The following CNTN5 variants were observed in gnomAD, a reference collection of about 807,000 sequenced individuals.
CNTN5 encodes contactin-5.
Under a neutral mutation model 129.1 loss-of-function variants are expected in CNTN5, and 77 were observed. The ratio of observed to expected loss-of-function variants is 0.60; its 90% CI spans 0.50 to 0.72. The LOEUF (loss-of-function observed/expected upper bound fraction) is 0.72, where lower values mean the gene tolerates loss of function less well. Among genes scored for constraint, CNTN5 ranks in the 30% least tolerant of loss-of-function variants. The pLI, the probability that CNTN5 is intolerant of heterozygous loss-of-function variation, is 0.00. For synonymous variants in CNTN5, 509 were observed against 465.6 expected (o/e 1.09, Z -1.20); for missense variants, 1,478 against 1,328.8 (o/e 1.11, Z -1.75).
At chr11:100,025,547 G>A (rs1194132863) in intron 9 of CNTN5, among the ~76,000 whole-genome samples, 1 of 152,142 alleles carries the variant, frequency 6.6e-6, no homozygotes, top group Non-Finnish European at 1.5e-5. Context: ...CTTCCACCAT[G>A]AGCCTGGAAA....
At chr11:99,748,729 C>G (rs574834229) in intron 3 of CNTN5, among the ~76,000 whole-genome samples, 75 of 152,244 alleles carry the variant, frequency 4.9e-4, no homozygotes, top group African/African-American at 1.8e-3. Context: ...TGTCCTAGCT[C>G]CAGAAGAAAG....
chr11:99,747,691 T>C (rs189229022), intron 3 of CNTN5, among the ~76,000 whole-genome samples: 2 of 152,090 alleles, frequency 1.3e-5, no homozygotes, highest in Non-Finnish European at 2.9e-5. Context: ...GCCAGGATGG[T>C]TCGATCTCCT....
chr11:99,587,366 G>A (rs536139585), intron 3 of CNTN5, among the ~76,000 whole-genome samples: 1 of 152,280 alleles, frequency 6.6e-6, no homozygotes, highest in South Asian at 2.1e-4. Context: ...AATGCACAAG[G>A]TAAACTGACT....
intron 7 of CNTN5, among the ~76,000 whole-genome samples, chr11:99,952,134 C>T (rs1460364079): frequency 6.6e-6 from 1 of 152,038 alleles, no homozygotes; most frequent in African/African-American, 2.4e-5. Context: ...TCAGGTTGTC[C>T]CTCATGCTCA....
rs554068112 is a variant in CNTN5, at chr11:99,370,063, G to A, written c.-71+44579G>A. Among the ~76,000 whole-genome samples the A allele has an allele frequency of 3.3e-5, 5 of 152,116 alleles. No homozygotes were observed. The East Asian group carries it at 7.7e-4, about 23-fold the overall frequency. On this transcript the variant is annotated intron_variant, in intron 2 of 24. Transcript: ENST00000524871. ...ACAAAGCAGTTGAAAAGGTGTTGAAGAGTTTGATTAACCAAACAGAGGAAT... is the reference window on the plus strand; with the variant it reads ...ACAAAGCAGTTGAAAAGGTGTTGAAAAGTTTGATTAACCAAACAGAGGAAT...
intron 3 of CNTN5, among the ~76,000 whole-genome samples, chr11:99,588,029 C>G (rs1046827588): frequency 3.3e-5 from 5 of 152,202 alleles, no homozygotes; most frequent in Non-Finnish European, 5.9e-5. Flanking sequence ...ACCTTCTCCA[C>G]TGTGAGCCCA....
intron 13 of CNTN5, among the ~76,000 whole-genome samples, chr11:100,116,435 T>C (rs1945843121): frequency 6.6e-6 from 1 of 151,978 alleles, no homozygotes; most frequent in African/African-American, 2.4e-5. Flanking sequence ...TGATTATAAA[T>C]TGGACTTAGA....
intron 13 of CNTN5, among the ~76,000 whole-genome samples, chr11:100,183,308 T>C (rs1948196766): frequency 6.6e-6 from 1 of 152,102 alleles, no homozygotes; most frequent in South Asian, 2.1e-4. Context: ...ATGTTCATGG[T>C]ATCTTTATTT....
intron 1 of CNTN5, among the ~76,000 whole-genome samples, chr11:99,176,166 T>G (rs557501842): frequency 5.3e-5 from 8 of 152,356 alleles, no homozygotes; most frequent in African/African-American, 1.9e-4. Flanking sequence ...TTTTTGTTGT[T>G]TTAGGAAATC....
chr11:100,045,970 T>C (rs35297871), intron 9 of CNTN5, among the ~76,000 whole-genome samples: 22,370 of 151,908 alleles, frequency 0.15, 1,684 homozygotes, highest in Non-Finnish European at 0.16. Context: ...TATTTTATTA[T>C]TATTATACTT....
chr11:99,276,428 AT>A (rs774835044), intron 1 of CNTN5, among the ~76,000 whole-genome samples: 11 of 151,804 alleles, frequency 7.2e-5, no homozygotes, highest in East Asian at 1.9e-4. Flanking sequence ...TGAATTTCGA[AT>A]AGCATCTGTA....
intron 1 of CNTN5, among the ~76,000 whole-genome samples, chr11:99,154,264 A>G (rs1247242870): frequency 6.6e-6 from 1 of 152,144 alleles, no homozygotes; most frequent in Non-Finnish European, 1.5e-5. Context: ...GCCAGTGTCC[A>G]TGCTTGCACT....
rs146870830 is a variant in CNTN5 at position 99,233,706 on chromosome 11, G to A, written c.-209-91640G>A. Among the ~76,000 whole-genome samples the A allele has an allele frequency of 4.0e-3, 603 of 152,240 alleles. 3 individuals are homozygous for A. Among genetic ancestry groups the A allele is most frequent in the Non-Finnish European group, 6.5e-3 (440 of 68,010 alleles). On this transcript the variant is annotated intron_variant, in intron 1 of 24. Transcript: ENST00000524871. ...CTCACGCCTGTAATCCCAGCACTTTGGGAGGCCGAGGTGGGTGGATCACGA... is the reference window on the plus strand; with the variant it reads ...CTCACGCCTGTAATCCCAGCACTTTAGGAGGCCGAGGTGGGTGGATCACGA...
intron 9 of CNTN5, among the ~76,000 whole-genome samples, chr11:100,055,028 T>TAAAAAAAAAAA (rs137939088): frequency 2.2e-5 from 2 of 91,694 alleles, no homozygotes; most frequent in Non-Finnish European, 4.4e-5. Flanking sequence ...AGCCGTAGCC[T>TAAAAAAAAAAA]AAAAAAAAAA....
At chr11:99,687,660 A>G (rs968367620) in intron 3 of CNTN5, among the ~76,000 whole-genome samples, 1 of 152,192 alleles carries the variant, frequency 6.6e-6, no homozygotes, top group Non-Finnish European at 1.5e-5. Flanking sequence ...TGAATACTAC[A>G]TTTAGGTGGC....
intron 1 of CNTN5, among the ~76,000 whole-genome samples, chr11:99,319,650 A>G (rs1449031535): frequency 2.6e-5 from 4 of 152,220 alleles, no homozygotes; most frequent in Non-Finnish European, 4.4e-5. Flanking sequence ...ATTGACATCA[A>G]TTAGTTTCAT....
At chr11:99,929,578 C>A (rs537375159) in intron 7 of CNTN5, among the ~76,000 whole-genome samples, 1 of 152,296 alleles carries the variant, frequency 6.6e-6, no homozygotes, top group South Asian at 2.1e-4. Context: ...GAAACATGTC[C>A]TTCTTCACAT....
At chr11:99,269,159 T>A (rs1863050965) in intron 1 of CNTN5, among the ~76,000 whole-genome samples, 1 of 151,906 alleles carries the variant, frequency 6.6e-6, no homozygotes, top group Non-Finnish European at 1.5e-5. Flanking sequence ...GCCTGGTGCC[T>A]TAGTCTTATT....
chr11:99,788,520 A>G (rs1328733850), intron 3 of CNTN5, among the ~76,000 whole-genome samples: 1 of 151,972 alleles, frequency 6.6e-6, no homozygotes, highest in Non-Finnish European at 1.5e-5. Flanking sequence ...GAAATGATGA[A>G]AAATAGATTT....
Sources: gnomAD v4.1 joint callset for allele counts (sites outside exome capture counted in the v4.1 genomes callset) on GRCh38, gnomAD v4.1.1 for gene constraint, MANE v1.5 for transcripts, NCBI Gene and HGNC (gene_info 2026-07-23, HGNC 2026-07-21) for gene names.